Variants in NCOR2 observed in about 807,000 individuals in gnomAD.
The protein encoded by NCOR2 is nuclear receptor corepressor 2, also known as CTG repeat protein 26.
NCOR2 carries 81 observed loss-of-function variants against 262.9 expected under a neutral mutation model. That is an observed-to-expected ratio of 0.31 (90% CI 0.26 to 0.37). The LOEUF is 0.37. Among genes scored for constraint, NCOR2 ranks in the 10% least tolerant of loss-of-function variants. The pLI is 1.00. For synonymous variants in NCOR2, 1,659 were observed against 1,559.3 expected (o/e 1.06, Z -1.51); for missense variants, 3,385 against 3,621.4 (o/e 0.93, Z 1.68).
intron 16 of NCOR2, among the ~76,000 whole-genome samples, chr12:124,395,970 C>T (rs1001798959): frequency 2.0e-5 from 3 of 152,286 alleles, no homozygotes; most frequent in South Asian, 2.1e-4. Context: ...AAGAGATGAA[C>T]GACCGACAAA....
chr12:124,338,854 C>A (rs1490491174), intron 37 of NCOR2, among the ~76,000 whole-genome samples: 1 of 151,974 alleles, frequency 6.6e-6, no homozygotes, highest in Non-Finnish European at 1.5e-5. Context: ...CTCATCCCCA[C>A]AATTACTCAT....
chr12:124,368,052 CTACCCAGCCCTGCA>C (rs2039181371), intron 20 of NCOR2, among the ~76,000 whole-genome samples: 2 of 152,354 alleles, frequency 1.3e-5, no homozygotes, highest in South Asian at 4.1e-4. Flanking sequence ...CCCACCCTGC[CTACCCAGCCCTGCA>C]GTTGCGAGCA....
intron 3 of NCOR2, among the ~76,000 whole-genome samples, chr12:124,479,352 G>A (rs955276937): frequency 2.0e-5 from 3 of 149,816 alleles, no homozygotes; most frequent in Non-Finnish European, 3.0e-5. Context: ...ACATACACAC[G>A]TGCAACACAT....
At chr12:124,332,824 G>A (rs368556778) in intron 42 of NCOR2, among the ~76,000 whole-genome samples, 6 of 151,988 alleles carry the variant, frequency 3.9e-5, no homozygotes, top group African/African-American at 7.2e-5. Flanking sequence ...CTCACCCATC[G>A]CCCCCGGTCT....
At position 124,457,243 on chromosome 12, in the gene NCOR2, CGG is replaced by C; in HGVS notation, c.706-83_706-82del. The C allele has an allele frequency of 7.1e-7, 1 of 1,412,594 alleles. No individual in the cohort carries two copies. The highest frequency in any genetic ancestry group is 1.5e-5 in the African/African-American group (1 of 65,404). The allele number at this position is 1,412,594 out of a possible 1,614,324, so 87.5% of individuals were successfully genotyped here. On this transcript the variant is annotated intron_variant, in intron 5 of 46. Transcript: ENST00000405201. This position sits in a 1 kb window ranked among gnomAD's most constrained non-coding sequence, Gnocchi z 4.0. ...TATAAATAGAGGCTTCCCGGAGCAG[CGG>C]GCACCTGCCCAGCCCAGTCCAGCAT...
At chr12:124,385,626 GGCGGCATAATA>G (rs1402225273) in intron 17 of NCOR2, 108 bp downstream of exon 19, 1 of 1,422,192 alleles carries the variant, frequency 7.0e-7, no homozygotes, top group Non-Finnish European at 9.5e-7. Context: ...GTTCTAACAA[GGCGGCATAATA>G]GCCCCTCCCT....
At chr12:124,425,560 G>A (rs573748262) in intron 11 of NCOR2, among the ~76,000 whole-genome samples, 2 of 152,224 alleles carry the variant, frequency 1.3e-5, no homozygotes, top group African/African-American at 4.8e-5. Context: ...TGTCCCTAAG[G>A]CGTGGGGTGG....
Position 124,379,464 on chromosome 12 carries a change from G to A in NCOR2, c.2020-1080C>T, listed in dbSNP as rs374831853. Among the ~76,000 whole-genome samples the A allele has an allele frequency of 6.6e-5, 10 of 152,332 alleles. No individual in the cohort carries two copies. The South Asian group carries it at 1.0e-3, about 16-fold the overall frequency. On this transcript the variant is annotated intron_variant, in intron 17 of 46. Transcript: ENST00000405201. ...AAGGCCAGCCTTCGTGGGCTTGAAC[G>A]CATAGACAGCAGAGAGCAGGGGCAT... is the stretch of plus-strand genomic sequence containing the variant.
intron 13 of NCOR2, among the ~76,000 whole-genome samples, chr12:124,404,650 G>T (rs769480449): frequency 6.6e-6 from 1 of 152,236 alleles, no homozygotes; most frequent in Admixed American, 6.5e-5. Context: ...CCTGAGCTAC[G>T]AGCCTTCCCC....
At chr12:124,381,061 C>T (rs1259816152) in intron 17 of NCOR2, among the ~76,000 whole-genome samples, 1 of 152,126 alleles carries the variant, frequency 6.6e-6, no homozygotes, top group Non-Finnish European at 1.5e-5. Flanking sequence ...GCGCATGCCA[C>T]CCCCTGCTTC....
chr12:124,327,230 TG>T (rs1296340635), intron 45 of NCOR2, among the ~76,000 whole-genome samples, 178 bp downstream of exon 47: 2 of 151,238 alleles, frequency 1.3e-5, no homozygotes, highest in South Asian at 4.2e-4. Flanking sequence ...TACAGACACT[TG>T]GGGGGTGTCA....
At chr12:124,326,113 C>T in intron 46 of NCOR2, 78 bp downstream of exon 48, 1 of 1,370,364 alleles carries the variant, frequency 7.3e-7, no homozygotes. Flanking sequence ...AGGCGCTCAG[C>T]ATTCAGTGCC....
At chr12:124,520,491 A>T (rs936015960) in intron 1 of NCOR2, among the ~76,000 whole-genome samples, 5 of 152,112 alleles carry the variant, frequency 3.3e-5, no homozygotes, top group African/African-American at 1.2e-4. Context: ...AATCCACGGT[A>T]ACTCCTCCCA....
In NCOR2 at chr12:124,400,457, G is replaced by A. The variant is rs377278135; in HGVS notation, c.1813+44C>T. On this transcript the variant is annotated intron_variant, in intron 15 of 46. Transcript: ENST00000405201. Reference sequence around the variant, plus strand: ...CTTTCATATGAGCGCAACCCGCCGTGTCTCCAGCCCCTTCCCCACCCGCAT... The same window carrying A: ...CTTTCATATGAGCGCAACCCGCCGTATCTCCAGCCCCTTCCCCACCCGCAT... 5.7e-6 allele frequency: 9 copies of A among 1,592,140 alleles called. No individual in the cohort carries two copies. The African/African-American group carries it at 9.4e-5, about 17-fold the overall frequency.
In NCOR2 at chr12:124,326,242, G is replaced by A. The variant is rs369730227; in HGVS notation, c.7312C>T (p.Arg2438Cys). The A allele has an allele frequency of 2.5e-5, 39 of 1,548,536 alleles. No individual in the cohort carries two copies. Among genetic ancestry groups the A allele is most frequent in the East Asian group, 2.0e-4 (8 of 40,648 alleles). ...ACGCGGTTGGTGAGCGGCGTCCGGCGGTTGCAGTCTCCCTCCGAGTGCACT... is the reference window on the plus strand; with the variant it reads ...ACGCGGTTGGTGAGCGGCGTCCGGCAGTTGCAGTCTCCCTCCGAGTGCACT... The change falls in exon 46 of 47, where the codon CGC becomes TGC. Residue 2438 changes from arginine (R) to cysteine (C), a missense_variant. By Grantham distance (180) the Arg-to-Cys change is radical. Transcript: ENST00000405201.
At chr12:124,436,723 C>T (rs750051947) in intron 8 of NCOR2, among the ~76,000 whole-genome samples, 31 of 152,176 alleles carry the variant, frequency 2.0e-4, no homozygotes, top group Middle Eastern at 6.8e-3. Context: ...CAGCTCTCTC[C>T]GGCTCCCACC....
chr12:124,445,421 G>A lies in NCOR2; in HGVS notation c.815+4394C>T, dbSNP rs558108165. 7.2e-4 allele frequency among the ~76,000 whole-genome samples: 109 copies of A among 152,350 alleles called. 1 individual carries two copies. The South Asian group carries it at 0.013, about 18-fold the overall frequency. On this transcript the variant is annotated intron_variant, in intron 7 of 46. Coordinates refer to ENST00000405201, the Ensembl canonical transcript of NCOR2. The stretch of plus-strand genomic sequence containing the variant: ...AAGCAGGTGGCGGTGGGAGGGCGGC[G>A]GAGGCGGCTACGGGCGACTCCAACG...
chr12:124,404,291 T>A (rs1400397413), intron 13 of NCOR2, among the ~76,000 whole-genome samples: 2 of 152,180 alleles, frequency 1.3e-5, no homozygotes, highest in African/African-American at 4.8e-5. Context: ...CCGGGTCAGA[T>A]GTCCCTGGCA....
intron 38 of NCOR2, chr12:124,335,948 G>A: frequency 5.5e-6 from 2 of 365,266 alleles, no homozygotes; most frequent in South Asian, 5.1e-5. Flanking sequence ...CGTGAGATGG[G>A]GGCAGCATGG....
Sources: allele counts gnomAD v4.1 joint callset (sites outside exome capture counted in the v4.1 genomes callset), GRCh38; gene constraint gnomAD v4.1.1; non-coding constraint Gnocchi (gnomAD v3.1); transcripts MANE v1.5; gene names NCBI Gene and HGNC (gene_info 2026-07-23, HGNC 2026-07-21).